The following AGBL1 variants were observed in gnomAD, a reference collection of about 807,000 sequenced individuals.
AGBL1 encodes AGBL carboxypeptidase 1, also known as cytosolic carboxypeptidase 4.
A neutral mutation model predicts 118.9 loss-of-function variants in AGBL1; 130 were observed. That is an observed-to-expected ratio of 1.09 (90% CI 0.95 to 1.26). The LOEUF (loss-of-function observed/expected upper bound fraction) is 1.26, where lower values mean the gene tolerates loss of function less well. Among genes scored for constraint, AGBL1 ranks in the 50% most tolerant of loss-of-function variants. The pLI is 0.00. For missense variants in AGBL1, 1,584 were observed against 1,298.1 expected (o/e 1.22, Z -3.38); for synonymous variants, 555 against 478.9 (o/e 1.16, Z -2.08).
chr15:86,762,004 G>A (rs1487843340), intron 22 of AGBL1, among the ~76,000 whole-genome samples: 1 of 151,948 alleles, frequency 6.6e-6, no homozygotes, highest in African/African-American at 2.4e-5. Context: ...TTGAGTTAAT[G>A]TGGCACATAT....
intron 22 of AGBL1, among the ~76,000 whole-genome samples, chr15:86,727,737 G>A (rs545986858): frequency 1.1e-4 from 17 of 152,144 alleles, no homozygotes; most frequent in Non-Finnish European, 2.2e-4. Flanking sequence ...AGACTCTAAG[G>A]AGAAATCAAT....
chr15:86,315,738 A>G (rs1597722074), intron 17 of AGBL1, among the ~76,000 whole-genome samples: 1 of 143,554 alleles, frequency 7.0e-6, no homozygotes, highest in Non-Finnish European at 1.5e-5. Flanking sequence ...AAAAAAAAGT[A>G]TATGTAAAAC....
At chr15:86,846,098 G>C (rs2079313404) in intron 22 of AGBL1, among the ~76,000 whole-genome samples, 1 of 152,138 alleles carries the variant, frequency 6.6e-6, no homozygotes, top group African/African-American at 2.4e-5. Context: ...CATATACTTA[G>C]ATTTTCTTTT....
chr15:86,389,564 A>C (rs1364174451), intron 17 of AGBL1, among the ~76,000 whole-genome samples: 1 of 152,230 alleles, frequency 6.6e-6, no homozygotes, highest in African/African-American at 2.4e-5. Flanking sequence ...ACCTGATGAA[A>C]GTTTGTAGAT....
intron 23 of AGBL1, among the ~76,000 whole-genome samples, chr15:86,921,628 C>A (rs1330569343): frequency 6.6e-6 from 1 of 152,066 alleles, no homozygotes; most frequent in Non-Finnish European, 1.5e-5. Flanking sequence ...GGAGGAGGCC[C>A]CTAAGAGGAG....
chr15:86,110,339 C>A (rs1897295170), intron 1 of AGBL1, among the ~76,000 whole-genome samples: 1 of 152,184 alleles, frequency 6.6e-6, no homozygotes, highest in East Asian at 1.9e-4. Context: ...TGGATTAATA[C>A]ATATTTTGTA....
intron 21 of AGBL1, among the ~76,000 whole-genome samples, chr15:86,672,215 G>A (rs1179796599): frequency 6.6e-6 from 1 of 152,164 alleles, no homozygotes; most frequent in Non-Finnish European, 1.5e-5. Context: ...CCAATGAAGT[G>A]GTACAAGTTC....
At chr15:86,785,794 C>T (rs1282317922) in intron 22 of AGBL1, among the ~76,000 whole-genome samples, 1 of 152,060 alleles carries the variant, frequency 6.6e-6, no homozygotes, top group Non-Finnish European at 1.5e-5. Context: ...TAATCGAACC[C>T]CAAGAGAACT....
chr15:86,500,815 T>C (rs1301955508), intron 18 of AGBL1, among the ~76,000 whole-genome samples: 1 of 151,806 alleles, frequency 6.6e-6, no homozygotes, highest in Non-Finnish European at 1.5e-5. Context: ...ATCTATGGTG[T>C]TGAATGCATC....
chr15:86,924,404 T>G (rs2080510354), intron 23 of AGBL1, among the ~76,000 whole-genome samples: 1 of 152,228 alleles, frequency 6.6e-6, no homozygotes, highest in Admixed American at 6.5e-5. Context: ...CTCATTGATT[T>G]GGTTTATAGT....
At chr15:86,196,879 G>GCGCACACACACACACA (rs756313941) in intron 5 of AGBL1, among the ~76,000 whole-genome samples, 8 of 116,964 alleles carry the variant, frequency 6.8e-5, no homozygotes, top group Non-Finnish European at 8.8e-5. Flanking sequence ...GCGCGCGCGC[G>GCGCACACACACACACA]CACACACACA....
At chr15:86,843,655 A>G (rs565601042) in intron 22 of AGBL1, among the ~76,000 whole-genome samples, 196 of 152,314 alleles carry the variant, frequency 1.3e-3, no homozygotes, top group Non-Finnish European at 2.3e-3. Flanking sequence ...TGCTTGAATT[A>G]AAGACTTGTA....
chr15:86,818,105 TATGTGACACACACACACA>T (rs1231688520), intron 22 of AGBL1, among the ~76,000 whole-genome samples: 1 of 150,806 alleles, frequency 6.6e-6, no homozygotes, highest in Non-Finnish European at 1.5e-5. Flanking sequence ...CGTGTGCGTG[TATGTGACACACACACACA>T]CACATGCGCG....
chr15:86,140,249 G>T (rs1381908714), intron 1 of AGBL1: 1 of 149,384 alleles, frequency 6.7e-6, no homozygotes, highest in Non-Finnish European at 1.5e-5. Flanking sequence ...GATTACTGTG[G>T]GTTTTTTTTT....
At chr15:86,208,575 C>G (rs1213820397) in intron 5 of AGBL1, among the ~76,000 whole-genome samples, 1 of 152,130 alleles carries the variant, frequency 6.6e-6, no homozygotes, top group Non-Finnish European at 1.5e-5. Flanking sequence ...GGAATTTATC[C>G]ATTTCTTCTA....
intron 21 of AGBL1, among the ~76,000 whole-genome samples, chr15:86,609,898 A>G (rs2067480543): frequency 6.6e-6 from 1 of 152,094 alleles, no homozygotes; most frequent in Non-Finnish European, 1.5e-5. Flanking sequence ...TGTTTAACAG[A>G]CCCTATCTCA....
intron 22 of AGBL1, among the ~76,000 whole-genome samples, chr15:86,759,009 A>T (rs8036838): frequency 0.015 from 2,234 of 151,520 alleles, 58 homozygotes; most frequent in African/African-American, 0.051. Flanking sequence ...AAGAATTTAA[A>T]CTTATACCTC....
At chr15:86,938,806 ACTT>A (rs1250569202) in intron 23 of AGBL1, 3 of 152,124 alleles carry the variant, frequency 2.0e-5, no homozygotes, top group South Asian at 2.1e-4. Flanking sequence ...GTAGAAGTGA[ACTT>A]CTCCCAAAGG....
intron 5 of AGBL1, among the ~76,000 whole-genome samples, chr15:86,179,973 T>A (rs1750592941): frequency 6.6e-6 from 1 of 152,100 alleles, no homozygotes; most frequent in Admixed American, 6.6e-5. Flanking sequence ...TGTAAAAACT[T>A]AGGGATAAAT....
Sources: allele counts gnomAD v4.1 joint callset (sites outside exome capture counted in the v4.1 genomes callset), GRCh38; gene constraint gnomAD v4.1.1; transcripts MANE v1.5; gene names NCBI Gene and HGNC (gene_info 2026-07-23, HGNC 2026-07-21).